CYP7B1: variants seen among roughly 807,000 people sequenced by gnomAD.
The protein encoded by CYP7B1 is cytochrome P450 family 7 subfamily B member 1.
In CYP7B1, 29 loss-of-function variants were observed where a neutral mutation model predicts 42.7. The ratio of observed to expected loss-of-function variants is 0.68; its 90% confidence interval spans 0.51 to 0.93. The LOEUF (loss-of-function observed/expected upper bound fraction) is 0.93. CYP7B1 is among the 40% of genes least tolerant of loss of function. The pLI is 0.00. For synonymous variants in CYP7B1, 235 were observed against 218.2 expected (o/e 1.08, Z -0.68); for missense variants, 655 against 600.5 (o/e 1.09, Z -0.95).
intron 2 of CYP7B1, among the ~76,000 whole-genome samples, chr8:64,616,759 C>A (rs1306905327): frequency 1.3e-5 from 2 of 152,180 alleles, no homozygotes; most frequent in Non-Finnish European, 2.9e-5. Context: ...AAATAAATGA[C>A]CATACTGTAT....
chr8:64,679,206 A>G (rs1235385536), intron 1 of CYP7B1, among the ~76,000 whole-genome samples: 1 of 152,230 alleles, frequency 6.6e-6, no homozygotes, highest in East Asian at 1.9e-4. Flanking sequence ...TCATTCATTC[A>G]ATAGCTTGGA....
At chr8:64,601,391 C>T (rs1289106979) in intron 5 of CYP7B1, among the ~76,000 whole-genome samples, 3 of 152,118 alleles carry the variant, frequency 2.0e-5, no homozygotes, top group Non-Finnish European at 4.4e-5. Flanking sequence ...CCTATAAACC[C>T]CACAATGTCA....
intron 1 of CYP7B1, among the ~76,000 whole-genome samples, chr8:64,788,082 G>A (rs776010367): frequency 3.3e-5 from 5 of 152,166 alleles, no homozygotes; most frequent in Admixed American, 1.3e-4. Context: ...TTCAAGATGA[G>A]ATTTGGGTTG....
Position 64,596,717 on chromosome 8 carries a change from T to C in CYP7B1, c.1446A>G (p.Leu482=). 6.2e-7 allele frequency: 1 copy of C among 1,613,882 alleles called. No individual in the cohort carries two copies. The highest frequency in any genetic ancestry group is 8.5e-7 in the Non-Finnish European group (1 of 1,179,872). The change falls in exon 6 of 6, where the codon CTA becomes CTG. Residue 482 remains leucine, a synonymous_variant. Coordinates refer to ENST00000310193, the MANE Select transcript of CYP7B1 (RefSeq NM_004820.5). ...TACCAAACAACAAGCGGCTGTAGTT[T>C]AGTCCTATGGGCTTATCATCAATTA... The part of the protein sequence containing the change: ...LEIIDDKPIG[L]NYSRLLFGIQ...
intron 1 of CYP7B1, among the ~76,000 whole-genome samples, chr8:64,766,010 A>G (rs925036075): frequency 6.6e-6 from 1 of 152,226 alleles, no homozygotes; most frequent in Non-Finnish European, 1.5e-5. Context: ...AAGTGCTGCC[A>G]TAACTGCAGC....
intron 4 of CYP7B1, among the ~76,000 whole-genome samples, chr8:64,610,813 T>C (rs1805352428): frequency 6.6e-6 from 1 of 152,146 alleles, no homozygotes; most frequent in Non-Finnish European, 1.5e-5. Flanking sequence ...GAGGCGACAG[T>C]CATTATGGGT....
At chr8:64,785,837 A>G (rs1439385295) in intron 1 of CYP7B1, among the ~76,000 whole-genome samples, 1 of 152,190 alleles carries the variant, frequency 6.6e-6, no homozygotes, top group Non-Finnish European at 1.5e-5. Context: ...TAATTTATAA[A>G]GAAAAGAGGT....
Position 64,592,417 on chromosome 8 carries a change from G to A in CYP7B1, c.*4225C>T, listed in dbSNP as rs1251433883. On this transcript the variant is annotated 3_prime_UTR_variant, in exon 6 of 6. Coordinates refer to ENST00000310193, the MANE Select transcript of CYP7B1 (RefSeq NM_004820.5). Reference sequence around the variant, plus strand: ...ATCAGAATTTTAAAATAGTTTTAAAGAGATGAATTTATCACTTACAACTGC... The same window carrying A: ...ATCAGAATTTTAAAATAGTTTTAAAAAGATGAATTTATCACTTACAACTGC... 6.6e-6 allele frequency among the ~76,000 whole-genome samples: 1 copy of A among 152,182 alleles called. No individual in the cohort carries two copies. The highest frequency in any genetic ancestry group is 1.5e-5 in the Non-Finnish European group (1 of 68,032).
chr8:64,649,821 C>A (rs1806011890), intron 1 of CYP7B1, among the ~76,000 whole-genome samples: 1 of 152,172 alleles, frequency 6.6e-6, no homozygotes, highest in Admixed American at 6.5e-5. Flanking sequence ...TGGTGTTGAG[C>A]ATCTTTCCAT....
Position 64,615,749 on chromosome 8 carries a change from A to G in CYP7B1, c.792T>C (p.Phe264=). The G allele has an allele frequency of 6.2e-7, 1 of 1,613,764 alleles. No individual in the cohort carries two copies. Among genetic ancestry groups the G allele is most frequent in the Non-Finnish European group, 8.5e-7 (1 of 1,179,770 alleles). Residue 264 remains phenylalanine, a synonymous_variant, in exon 3 of 6, where the codon TTT becomes TTC. Transcript: ENST00000310193. Reference sequence around the variant, plus strand: ...TCTCCAGGACATCTTGCCTGCTTTGAAAAACTTCTGACCATCCTTGCATCT... The same window carrying G: ...TCTCCAGGACATCTTGCCTGCTTTGGAAAACTTCTGACCATCCTTGCATCT... The part of the protein sequence containing the change: ...LAKMQGWSEV[F]QSRQDVLEKY...
chr8:64,771,667 G>A (rs1291922302), intron 1 of CYP7B1, among the ~76,000 whole-genome samples: 1 of 152,130 alleles, frequency 6.6e-6, no homozygotes, highest in Admixed American at 6.5e-5. Flanking sequence ...TCTCCCATGT[G>A]CTGTAGTCTC....
chr8:64,626,328 C>A (rs1805609816), intron 1 of CYP7B1, among the ~76,000 whole-genome samples: 1 of 152,180 alleles, frequency 6.6e-6, no homozygotes, highest in East Asian at 1.9e-4. Context: ...CCTGAGGGCT[C>A]TTGCTGTGCC....
chr8:64,736,670 C>T (rs1319765089), intron 1 of CYP7B1, among the ~76,000 whole-genome samples: 3 of 151,920 alleles, frequency 2.0e-5, no homozygotes, highest in African/African-American at 7.3e-5. Flanking sequence ...AGGCTGGTCT[C>T]GAACTCCTGA....
intron 1 of CYP7B1, among the ~76,000 whole-genome samples, chr8:64,721,718 A>G (rs1466501946): frequency 6.6e-6 from 1 of 152,158 alleles, no homozygotes; most frequent in Non-Finnish European, 1.5e-5. Flanking sequence ...ATAGATGAAA[A>G]TATTTACAGA....
At chr8:64,786,303 C>T (rs1227549800) in intron 1 of CYP7B1, among the ~76,000 whole-genome samples, 2 of 152,182 alleles carry the variant, frequency 1.3e-5, no homozygotes, top group African/African-American at 4.8e-5. Context: ...CAAGTCCCTT[C>T]TGCCTATGAG....
At chr8:64,600,167 A>G (rs906838232) in intron 5 of CYP7B1, among the ~76,000 whole-genome samples, 5 of 152,258 alleles carry the variant, frequency 3.3e-5, no homozygotes, top group African/African-American at 1.2e-4. Context: ...GTGTTTACAA[A>G]TAGTAGGAAA....
intron 4 of CYP7B1, among the ~76,000 whole-genome samples, chr8:64,613,177 A>G (rs568009734): frequency 6.6e-6 from 1 of 152,172 alleles, no homozygotes; most frequent in Admixed American, 6.5e-5. Context: ...CTTGCTTGGG[A>G]TTTTTATTGT....
At chr8:64,746,433 A>C (rs960135899) in intron 1 of CYP7B1, among the ~76,000 whole-genome samples, 2 of 152,196 alleles carry the variant, frequency 1.3e-5, no homozygotes, top group Non-Finnish European at 2.9e-5. Flanking sequence ...CTCATCACTC[A>C]TTTACAGAAT....
intron 1 of CYP7B1, among the ~76,000 whole-genome samples, chr8:64,778,993 C>T (rs1804372449): frequency 1.3e-5 from 2 of 152,086 alleles, no homozygotes; most frequent in South Asian, 4.1e-4. Context: ...ACCATTTTTG[C>T]CTGCTTTGTT....
Sources: allele counts gnomAD v4.1 joint callset (sites outside exome capture counted in the v4.1 genomes callset), GRCh38; gene constraint gnomAD v4.1.1; transcripts MANE v1.5; gene names NCBI Gene and HGNC (gene_info 2026-07-23, HGNC 2026-07-21).